Variants in PGAP6 observed in about 807,000 individuals in gnomAD.
PGAP6 encodes post-GPI attachment to proteins factor 6.
PGAP6 carries 62 observed loss-of-function variants against 68.4 expected under a neutral mutation model. The observed-to-expected ratio is 0.91, with a 90% CI of 0.74 to 1.12. The LOEUF (loss-of-function observed/expected upper bound fraction) is 1.12. PGAP6 is among the 50% of genes most tolerant of loss of function. The pLI is 0.00. For synonymous variants in PGAP6, 575 were observed against 474.0 expected, an observed-to-expected ratio of 1.21 and a Z score of -2.77; for missense variants, 1,188 against 1,068.5, an observed-to-expected ratio of 1.11 and a Z score of -1.56.
rs868256972 is a variant in PGAP6 at position 375,558 on chromosome 16, A to G, written c.1225-123T>C. The G allele has an allele frequency of 2.1e-5, 16 of 768,828 alleles. No homozygotes were observed. The Middle Eastern group carries it at 3.1e-3, about 149-fold the overall frequency. 47.6% of individuals were successfully genotyped at this position (768,828 alleles called of 1,614,324 possible). A position where few individuals can be genotyped will look rare whatever the true frequency, so the allele number is the denominator to read the frequency against. On this transcript the variant is annotated intron_variant, in intron 6 of 12. Transcript: ENST00000431232. ...CTTTTTTTTTTTTTTTCTGAGATGG[A>G]GTCTTGCTCTGTCGCCCAGGCTGGA...
Position 381,920 on chromosome 16 carries a change from CGCCTCT to C in PGAP6, c.-105_-100del. On this transcript the variant is annotated 5_prime_UTR_variant, in exon 1 of 13. Coordinates refer to ENST00000431232, the MANE Select transcript of PGAP6 (RefSeq NM_021259.3). ...CTGCCGCCTCCGCCTCTGCCGCCTC[CGCCTCT>C]GCCCCCGGCGCCCATGGCCCGGCCG... is the stretch of plus-strand genomic sequence containing the variant. 1.0e-6 allele frequency: 1 copy of C among 972,556 alleles called. No homozygotes were observed. Among genetic ancestry groups the C allele is most frequent in the Non-Finnish European group, 1.2e-6 (1 of 820,522 alleles). 60.2% of individuals were successfully genotyped at this position (972,556 alleles called of 1,614,324 possible).
chr16:378,281 C>T (rs1334866916), intron 1 of PGAP6, among the ~76,000 whole-genome samples: 1 of 148,582 alleles, frequency 6.7e-6, no homozygotes, highest in African/African-American at 2.5e-5. Flanking sequence ...CCCACCCACA[C>T]TGCCATCGCC....
chr16:379,345 G>A (rs1166489609), intron 1 of PGAP6, among the ~76,000 whole-genome samples: 6 of 152,238 alleles, frequency 3.9e-5, no homozygotes, highest in Non-Finnish European at 8.8e-5. Flanking sequence ...ATAGCAGCCT[G>A]TCGGCAAATC....
In PGAP6 at chr16:377,748, T is replaced by TG. The variant is rs1287775735; in HGVS notation, c.221dup (p.Asp75ArgfsTer108). ...GGAGCCAGCGTAGAAGCACAGCATC[T>TG]GGGGGCACGCGGAAGCGGAAGAGCC... On this transcript the variant is annotated frameshift_variant, in exon 2 of 13. Coordinates refer to ENST00000431232, the MANE Select transcript of PGAP6 (RefSeq NM_021259.3). LOFTEE classifies it high-confidence loss of function. The TG allele has an allele frequency of 2.5e-6, 4 of 1,596,292 alleles. No homozygotes were observed. Among genetic ancestry groups the TG allele is most frequent in the Non-Finnish European group, 3.4e-6 (4 of 1,172,172 alleles).
intron 3 of PGAP6, 66 bp from the exon 4 acceptor site, chr16:377,230 C>G: frequency 6.2e-7 from 1 of 1,606,254 alleles, no homozygotes; most frequent in Non-Finnish European, 8.5e-7. Flanking sequence ...CATGGTCTCA[C>G]CAGACGCCCC....
In PGAP6 at chr16:376,731, C is replaced by T. The variant is rs903489364; in HGVS notation, c.717G>A (p.Val239=). 6.2e-7 allele frequency: 1 copy of T among 1,611,700 alleles called. No individual in the cohort carries two copies. Among genetic ancestry groups the T allele is most frequent in the Non-Finnish European group, 8.5e-7 (1 of 1,179,880 alleles). ...GGGTGACCGGGCCCACGGTGAGACG[C>T]ACGGGGCAGCCCAGGCTCCCATTGG... The part of the protein sequence containing the change: ...CVSNGSLGCP[V]RLTVGPVTLP... Residue 239 remains valine, a synonymous_variant, in exon 5 of 13, where the codon GTG becomes GTA. Coordinates refer to ENST00000431232, the MANE Select transcript of PGAP6 (RefSeq NM_021259.3).
At chr16:373,953 C>T in intron 11 of PGAP6, 52 bp downstream of exon 11, 11 of 1,539,496 alleles carry the variant, frequency 7.1e-6, no homozygotes, top group Non-Finnish European at 9.6e-6. Context: ...GCAGGCTGCA[C>T]TTGGGGGCCC....
Position 371,574 on chromosome 16 carries a change from A to C in PGAP6, c.*413T>G, listed in dbSNP as rs2054332577. 1 of 179,722 alleles carries C rather than the reference A, an allele frequency of 5.6e-6. No homozygotes were observed. The highest frequency in any genetic ancestry group is 5.8e-5 in the Admixed American group (1 of 17,280). 11.1% of individuals were successfully genotyped at this position (179,722 alleles called of 1,614,324 possible). On this transcript the variant is annotated 3_prime_UTR_variant, in exon 13 of 13. Transcript: ENST00000431232. ...CTCGGAGTCCACAGCTCCCGGCCCC[A>C]GTGGTGGGCTCAGGGCTCCTGGGCG...
Position 375,160 on chromosome 16 carries a change from A to C in PGAP6, c.1412T>G (p.Leu471Arg), listed in dbSNP as rs1304972588. The C allele has an allele frequency of 2.5e-6, 4 of 1,613,434 alleles. No individual in the cohort carries two copies. The highest frequency in any genetic ancestry group is 3.4e-6 in the Non-Finnish European group (4 of 1,179,982). Residue 471 changes from leucine to arginine, a missense_variant, in exon 8 of 13, where the codon CTG (leucine) becomes CGG (arginine). Coordinates refer to ENST00000431232, the MANE Select transcript of PGAP6 (RefSeq NM_021259.3). ...YPETDNWYLS[L>R]QLMCPENAED... The stretch of plus-strand genomic sequence containing the variant: ...AGCATTCTCAGGGCACATGAGCTGC[A>C]GGGAGAGGTACCAGTTGTCTGTCTC...
chr16:383,889 C>T (rs576149865), upstream of PGAP6, among the ~76,000 whole-genome samples: 1 of 152,126 alleles, frequency 6.6e-6, no homozygotes, highest in Non-Finnish European at 1.5e-5. Flanking sequence ...GAGCCCAGAC[C>T]CCTGAAGGCC....
chr16:377,187 CG>C (rs758071382), intron 3 of PGAP6, 23 bp from the exon 4 acceptor site: 3 of 1,612,402 alleles, frequency 1.9e-6, no homozygotes, highest in South Asian at 2.2e-5. Flanking sequence ...CAGGTGTGGG[CG>C]GGGGCGGTGT....
upstream of PGAP6, among the ~76,000 whole-genome samples, chr16:385,663 C>A (rs55715852): frequency 1.8e-5 from 2 of 112,028 alleles, no homozygotes; most frequent in Non-Finnish European, 3.4e-5. Flanking sequence ...CTCGCTCTGT[C>A]GCCCAGGCTG....
intron 1 of PGAP6, 70 bp downstream of exon 1, chr16:381,631 G>C: frequency 8.9e-7 from 1 of 1,119,254 alleles, no homozygotes; most frequent in South Asian, 4.3e-5. Flanking sequence ...GTGCGCCCGG[G>C]GTGTCACAAT....
chr16:374,004 C>T lies in PGAP6; in HGVS notation c.1902+1G>A, dbSNP rs1334844510. On this transcript the variant is annotated splice_donor_variant, in intron 11 of 12. Transcript: ENST00000431232. LOFTEE classifies it high-confidence loss of function. ...CACACCCCACGTCGAGGGCCACTCA[C>T]GTATTTCAGGACTGTCTTGAGCCGT... The T allele has an allele frequency of 5.6e-6, 9 of 1,605,064 alleles. No homozygotes were observed. The highest frequency in any genetic ancestry group is 1.7e-4 in the Middle Eastern group (1 of 6,038).
chr16:372,579 G>C, intron 12 of PGAP6, 32 bp downstream of exon 12: 1 of 1,530,416 alleles, frequency 6.5e-7, no homozygotes, highest in Non-Finnish European at 9.0e-7. Context: ...CCGAGCACCT[G>C]GGCAGCAGTG....
At position 377,775 on chromosome 16, in the gene PGAP6, G is replaced by C. The variant is rs773602771; in HGVS notation, c.195C>G (p.Ala65=). 1.9e-6 allele frequency: 3 copies of C among 1,587,406 alleles called. No homozygotes were observed. In the South Asian group the frequency reaches 3.4e-5, roughly 18 times the overall value. Residue 65 remains alanine (A), a synonymous_variant, in exon 2 of 13, where the codon GCC becomes GCG. Transcript: ENST00000431232. ...GGGGCACGCGGAAGCGGAAGAGCCT[G>C]GCACTGCCGTACCAGCTGTAGAAGG... ...RLSFYSWYGS[A]RLFRFRVPPD... is the part of the protein sequence containing the mutation.
In PGAP6 at chr16:374,172, C is replaced by G. The variant is rs749238359; in HGVS notation, c.1756-21G>C. 2.5e-6 allele frequency: 4 copies of G among 1,610,344 alleles called. No individual in the cohort carries two copies. In the African/African-American group the frequency reaches 4.0e-5, roughly 16 times the overall value. On this transcript the variant is annotated intron_variant, in intron 10 of 12. Coordinates refer to ENST00000431232, the MANE Select transcript of PGAP6 (RefSeq NM_021259.3). The stretch of plus-strand genomic sequence containing the variant: ...TAGAACTGTGGGGAGGCTCCATGAG[C>G]GCGGTCCTGCCCTCCCACCCCACAT...
At position 377,859 on chromosome 16, in the gene PGAP6, A is replaced by G; in HGVS notation, c.122-11T>C. The G allele has an allele frequency of 6.5e-7, 1 of 1,548,630 alleles. No homozygotes were observed. The highest frequency in any genetic ancestry group is 8.7e-7 in the Non-Finnish European group (1 of 1,145,946). On this transcript the variant is annotated splice_polypyrimidine_tract_variant and intron_variant, in intron 1 of 12. Transcript: ENST00000431232. ...ACACCAGCCCCACCTCTGTGAGGAG[A>G]AGGAGGTGTCAGCCAGGCCGGGACC...
chr16:374,695 A>G (rs66485171), intron 9 of PGAP6, 61 bp downstream of exon 9: 145,984 of 1,597,388 alleles, frequency 0.091, 7,359 homozygotes, highest in Non-Finnish European at 0.1. Flanking sequence ...GGAAAGGCAC[A>G]GCACAGCACT....
Sources: allele counts gnomAD v4.1 joint callset (sites outside exome capture counted in the v4.1 genomes callset), GRCh38; gene constraint gnomAD v4.1.1; transcripts MANE v1.5; gene names NCBI Gene and HGNC (gene_info 2026-07-23, HGNC 2026-07-21).